CXADR: variants seen among roughly 807,000 people sequenced by gnomAD.
CXADR encodes CXADR cell adhesion molecule.
In CXADR, 20 loss-of-function variants were observed where a neutral mutation model predicts 40.3. The ratio of observed to expected loss-of-function variants is 0.50; its 90% CI spans 0.35 to 0.72. The LOEUF (loss-of-function observed/expected upper bound fraction) is 0.72. CXADR is among the 30% of genes least tolerant of loss of function. CXADR has a pLI of 0.01. For missense variants in CXADR, 332 were observed against 449.1 expected, an observed-to-expected ratio of 0.74 and a Z score of 2.36; for synonymous variants, 150 against 161.3, an observed-to-expected ratio of 0.93 and a Z score of 0.53.
At chr21:17,535,371 AT>A (rs2060741849) in intron 1 of CXADR, among the ~76,000 whole-genome samples, 1 of 151,308 alleles carries the variant, frequency 6.6e-6, no homozygotes, top group African/African-American at 2.4e-5. Context: ...TAATTTTTTT[AT>A]TTTTTTGTAG....
intron 6 of CXADR, among the ~76,000 whole-genome samples, chr21:17,564,211 G>A (rs978171532): frequency 1.3e-4 from 19 of 150,460 alleles, no homozygotes; most frequent in Admixed American, 6.0e-4. Flanking sequence ...ATAAAATGGC[G>A]GCCAGGCGCA....
At chr21:17,574,163 G>A (rs2061301528), downstream of CXADR, among the ~76,000 whole-genome samples, 1 of 152,116 alleles carries the variant, frequency 6.6e-6, no homozygotes, top group South Asian at 2.1e-4. Flanking sequence ...CCTCTCACCC[G>A]TATTTCCCAG....
chr21:17,579,987 A>G (rs757297558), intron 7 of CXADR, among the ~76,000 whole-genome samples: 6 of 151,930 alleles, frequency 3.9e-5, no homozygotes, highest in Admixed American at 1.3e-4. Context: ...TACTTTATTT[A>G]TTTACTTATA....
intron 1 of CXADR, among the ~76,000 whole-genome samples, chr21:17,540,141 G>A (rs1353558958): frequency 2.0e-5 from 3 of 152,124 alleles, no homozygotes; most frequent in Middle Eastern, 6.8e-3. Flanking sequence ...AGAGTGCTCC[G>A]GTATTTCCTT....
chr21:17,576,489 G>A (rs1436491482), intron 7 of CXADR, among the ~76,000 whole-genome samples: 4 of 152,134 alleles, frequency 2.6e-5, no homozygotes, highest in Non-Finnish European at 5.9e-5. Flanking sequence ...TTAAGTGTTA[G>A]CTTTTAGCAT....
At chr21:17,580,812 G>A (rs948682903) in intron 7 of CXADR, among the ~76,000 whole-genome samples, 2 of 152,052 alleles carry the variant, frequency 1.3e-5, no homozygotes, top group Non-Finnish European at 2.9e-5. Flanking sequence ...GTGCAGAGGG[G>A]TGATCATGGC....
At chr21:17,578,082 TAGG>T (rs925020458) in intron 7 of CXADR, among the ~76,000 whole-genome samples, 3 of 152,160 alleles carry the variant, frequency 2.0e-5, no homozygotes, top group Non-Finnish European at 2.9e-5. Context: ...TCAGTGAACA[TAGG>T]AGTGCAAATA....
intron 1 of CXADR, chr21:17,518,570 G>A (rs990583651): frequency 3.3e-6 from 4 of 1,224,566 alleles, no homozygotes; most frequent in Non-Finnish European, 3.6e-6. Context: ...ACAAGATCGG[G>A]AACATCATCA....
chr21:17,572,597 T>C (rs977225202), downstream of CXADR, among the ~76,000 whole-genome samples: 2 of 152,140 alleles, frequency 1.3e-5, no homozygotes, highest in Non-Finnish European at 2.9e-5. Context: ...GTGAAATCAG[T>C]GACTCTTCTC....
chr21:17,518,992 A>T (rs1169192466), intron 1 of CXADR: 2 of 1,608,048 alleles, frequency 1.2e-6, no homozygotes, highest in East Asian at 4.5e-5. Flanking sequence ...TTCTTGATTC[A>T]TGCTGTTGGT....
Position 17,547,104 on chromosome 21 carries a change from T to A in CXADR, c.121T>A (p.Cys41Ser), listed in dbSNP as rs1420235010. ...KAKGETAYLP[C>S]KFTLSPEDQG... ...CAAAGGGGAAACTGCCTATCTGCCA[T>A]GCAAATTTACGCTTAGTCCCGAAGA... Residue 41 changes from cysteine to serine, a missense_variant, in exon 2 of 7, where the codon TGC becomes AGC. By Grantham distance (112) the Cys-to-Ser change is moderately radical. Coordinates refer to ENST00000284878, the MANE Select transcript of CXADR (RefSeq NM_001338.5). 6.2e-7 allele frequency: 1 copy of A among 1,614,148 alleles called. No individual in the cohort carries two copies. The highest frequency in any genetic ancestry group is 8.5e-7 in the Non-Finnish European group (1 of 1,180,016).
intron 1 of CXADR, among the ~76,000 whole-genome samples, chr21:17,534,734 C>G (rs944244704): frequency 1.3e-5 from 2 of 150,932 alleles, no homozygotes; most frequent in Admixed American, 6.6e-5. Context: ...ACCTCTAAAT[C>G]TACTTATAAA....
At chr21:17,547,758 A>G (rs1200085951) in intron 2 of CXADR, among the ~76,000 whole-genome samples, 1 of 109,894 alleles carries the variant, frequency 9.1e-6, no homozygotes, top group African/African-American at 2.5e-5. Flanking sequence ...ATCTTTTTAA[A>G]TTTATTTTTT....
At chr21:17,616,250 C>G in the CXADR span, among the ~76,000 whole-genome samples, 1 of 141,190 alleles carries the variant, frequency 7.1e-6, no homozygotes, top group Non-Finnish European at 1.5e-5. Context: ...AAGACACTAT[C>G]TAAAAAAGAA....
At chr21:17,560,876 C>G (rs763846193) in intron 5 of CXADR, 52 bp downstream of exon 5, 3 of 1,603,486 alleles carry the variant, frequency 1.9e-6, no homozygotes, top group East Asian at 4.5e-5. Flanking sequence ...CTTTATACCA[C>G]CTCCTTTAGT....
At chr21:17,607,191 T>C in the CXADR span, among the ~76,000 whole-genome samples, 2 of 152,166 alleles carry the variant, frequency 1.3e-5, no homozygotes, top group African/African-American at 4.8e-5. Flanking sequence ...TTTTCTCAAG[T>C]TTTTAGAATT....
chr21:17,633,939 C>T, the CXADR span, among the ~76,000 whole-genome samples: 1 of 152,192 alleles, frequency 6.6e-6, no homozygotes, highest in African/African-American at 2.4e-5. Flanking sequence ...CCTGTTCTCC[C>T]ATTAATCTGT....
downstream of CXADR, among the ~76,000 whole-genome samples, chr21:17,573,811 G>A (rs1209887506): frequency 6.6e-6 from 1 of 152,232 alleles, no homozygotes; most frequent in Non-Finnish European, 1.5e-5. Context: ...GGAGGCTGAG[G>A]CAAGAGAATT....
At chr21:17,536,789 C>T (rs565321886) in intron 1 of CXADR, among the ~76,000 whole-genome samples, 37 of 152,088 alleles carry the variant, frequency 2.4e-4, no homozygotes, top group Non-Finnish European at 4.6e-4. Context: ...CAGTGTCTCA[C>T]TCTGTCTCCT....
Sources: gnomAD v4.1 joint callset for allele counts (sites outside exome capture counted in the v4.1 genomes callset) on GRCh38, gnomAD v4.1.1 for gene constraint, MANE v1.5 for transcripts, NCBI Gene and HGNC (gene_info 2026-07-23, HGNC 2026-07-21) for gene names.